Variants in SCN1A observed in about 807,000 individuals in gnomAD.
The protein encoded by SCN1A is sodium channel protein type 1 subunit alpha.
A neutral mutation model predicts 193.7 loss-of-function variants in SCN1A; 13 were observed. That is an observed-to-expected ratio of 0.07 (90% CI 0.04 to 0.11). The LOEUF is 0.11. SCN1A is among the 10% of genes least tolerant of loss of function. SCN1A has a pLI of 1.00. For synonymous variants in SCN1A, 781 were observed against 843.6 expected, an observed-to-expected ratio of 0.93 and a Z score of 1.29; for missense variants, 1,432 against 2,451.1, an observed-to-expected ratio of 0.58 and a Z score of 8.78.
At chr2:166,029,448 G>A (rs188471004) in intron 19 of SCN1A, among the ~76,000 whole-genome samples, 6 of 152,218 alleles carry the variant, frequency 3.9e-5, no homozygotes, top group Admixed American at 1.3e-4. Flanking sequence ...AGTGGAGATA[G>A]TACTCTTGGG....
Position 166,036,066 on chromosome 2 carries a change from A to T in SCN1A, c.3411T>A (p.Asp1137Glu). The change falls in exon 19 of 29, where the codon GAT becomes GAA. Residue 1137 changes from aspartate to glutamate, a missense_variant. Physicochemically the swap from Asp to Glu is conservative, Grantham distance 45. This residue lies in a region of SCN1A where 198 missense variants were observed against 225.8 expected (regional missense o/e 0.88). Coordinates refer to ENST00000674923, the MANE Select transcript of SCN1A (RefSeq NM_001165963.4). ...LNTEDFSSES[D>E]LEESKEKLNE... The stretch of plus-strand genomic sequence containing the variant: ...ATCTTACCTCTTTGCTTTCTTCCAG[A>T]TCCGATTCACTACTAAAGTCTTCCG... 6.2e-7 allele frequency: 1 copy of T among 1,613,786 alleles called. No homozygotes were observed. The highest frequency in any genetic ancestry group is 1.1e-5 in the South Asian group (1 of 91,062).
chr2:166,114,957 C>A (rs1431233492), intron 2 of SCN1A, among the ~76,000 whole-genome samples: 1 of 152,104 alleles, frequency 6.6e-6, no homozygotes, highest in East Asian at 1.9e-4. Context: ...ATATTATTTT[C>A]TTCTTTATGC....
At chr2:166,064,428 A>G (rs1683631715) in intron 4 of SCN1A, among the ~76,000 whole-genome samples, 1 of 152,206 alleles carries the variant, frequency 6.6e-6, no homozygotes, top group Admixed American at 6.5e-5. Flanking sequence ...TGGCCAAATT[A>G]TCAATGATTA....
intron 2 of SCN1A, among the ~76,000 whole-genome samples, chr2:166,085,636 G>A (rs1396650265): frequency 6.6e-6 from 1 of 152,256 alleles, no homozygotes; most frequent in Admixed American, 6.5e-5. Flanking sequence ...GGAACGGGGA[G>A]AGGAGAGTGT....
chr2:166,108,601 C>T (rs572828611), intron 2 of SCN1A, among the ~76,000 whole-genome samples: 2 of 151,932 alleles, frequency 1.3e-5, no homozygotes, highest in South Asian at 4.2e-4. Context: ...TGTGGTATAT[C>T]CATATAAGGG....
chr2:165,993,983 T>C (rs917747395), intron 28 of SCN1A, 163 bp downstream of exon 28: 22 of 636,378 alleles, frequency 3.5e-5, no homozygotes, highest in Non-Finnish European at 5.5e-5. Flanking sequence ...TACTGACATA[T>C]AGTAGGAGAC....
At chr2:166,120,596 C>CTTTTTTTTTTTTTTTTTTTT (rs57044851) in intron 2 of SCN1A, among the ~76,000 whole-genome samples, 4 of 72,456 alleles carry the variant, frequency 5.5e-5, no homozygotes, top group East Asian at 4.9e-4. Flanking sequence ...TTTCTTTTCT[C>CTTTTTTTTTTTTTTTTTTTT]TTTTTTTTTT....
intron 3 of SCN1A, among the ~76,000 whole-genome samples, 183 bp from the exon 4 acceptor site, chr2:166,073,853 CTTAT>C (rs1161805475): frequency 1.3e-5 from 2 of 152,132 alleles, no homozygotes; most frequent in African/African-American, 2.4e-5. Flanking sequence ...TTAAGCATCA[CTTAT>C]TTATTAATTC....
chr2:166,065,219 T>C (rs1011344484), intron 4 of SCN1A, among the ~76,000 whole-genome samples: 3 of 152,136 alleles, frequency 2.0e-5, no homozygotes, highest in Non-Finnish European at 4.4e-5. Context: ...TGGCTCTAGC[T>C]CCTACCCAGA....
intron 2 of SCN1A, among the ~76,000 whole-genome samples, chr2:166,112,189 C>T (rs79987444): frequency 0.073 from 11,042 of 152,118 alleles, 504 homozygotes; most frequent in Middle Eastern, 0.21. Context: ...GATCAATCAA[C>T]GTGGCAAACT....
In SCN1A at chr2:166,073,339, C is replaced by G; in HGVS notation, c.264+19G>C. ...AGTAGGCAATTAGCAGCAAAATATG[C>G]CTGATAAAAAACACTCACTTTCTTA... On this transcript the variant is annotated intron_variant, in intron 4 of 28. Transcript: ENST00000674923. The G allele has an allele frequency of 6.2e-7, 1 of 1,612,788 alleles. No individual in the cohort carries two copies. Among genetic ancestry groups the G allele is most frequent in the Non-Finnish European group, 8.5e-7 (1 of 1,179,972 alleles).
intron 2 of SCN1A, among the ~76,000 whole-genome samples, chr2:166,085,906 G>A (rs775702789): frequency 1.4e-4 from 21 of 152,172 alleles, no homozygotes; most frequent in Admixed American, 5.2e-4. Flanking sequence ...AGAGAAAGCT[G>A]AAAGAACTTA....
chr2:166,058,592 C>T lies in SCN1A; in HGVS notation c.361G>A (p.Ala121Thr). Reference sequence around the variant, plus strand: ...TATGAATGTACCAAAATCTTAATAGCTATTTTCCTAAGAGGATTGAAGGGA... The same window carrying T: ...TATGAATGTACCAAAATCTTAATAGTTATTTTCCTAAGAGGATTGAAGGGA... ...LTPFNPLRKI[A>T]IKILVHSLFS... is the part of the protein sequence containing the mutation. The change falls in exon 5 of 29, where the codon GCT becomes ACT. Residue 121 changes from alanine (A) to threonine (T), a missense_variant. Physicochemically the swap from Ala to Thr is moderately conservative, Grantham distance 58 (BLOSUM62 0). Around this residue, in one of 18 missense-constraint regions of SCN1A, gnomAD observed 123 missense variants for 282.8 expected, o/e 0.43. Coordinates refer to ENST00000674923, the MANE Select transcript of SCN1A (RefSeq NM_001165963.4). The T allele has an allele frequency of 6.2e-7, 1 of 1,603,888 alleles. No individual in the cohort carries two copies. The highest frequency in any genetic ancestry group is 8.5e-7 in the Non-Finnish European group (1 of 1,171,166).
intron 23 of SCN1A, among the ~76,000 whole-genome samples, chr2:166,006,225 G>T (rs947889231): frequency 6.9e-4 from 105 of 151,322 alleles, no homozygotes; most frequent in African/African-American, 2.4e-3. Flanking sequence ...GTATAAAGAA[G>T]AATAATAGAA....
chr2:166,002,155 C>A (rs1305842275), intron 24 of SCN1A, among the ~76,000 whole-genome samples: 1 of 151,370 alleles, frequency 6.6e-6, no homozygotes, highest in Non-Finnish European at 1.5e-5. Context: ...GCCTTCTAAT[C>A]ACAATAAAAA....
At chr2:166,129,320 C>G (rs1691542082), upstream of SCN1A, among the ~76,000 whole-genome samples, 1 of 152,088 alleles carries the variant, frequency 6.6e-6, no homozygotes, top group African/African-American at 2.4e-5. Context: ...TTTTCCTGTT[C>G]TAGAATCACA....
chr2:166,035,785 C>T (rs936383459), intron 19 of SCN1A, among the ~76,000 whole-genome samples: 7 of 152,116 alleles, frequency 4.6e-5, no homozygotes, highest in African/African-American at 1.7e-4. Flanking sequence ...TCCTTGTAAT[C>T]ACGTGGTTGA....
At chr2:166,069,638 AT>A (rs1239506002) in intron 4 of SCN1A, among the ~76,000 whole-genome samples, 3 of 152,216 alleles carry the variant, frequency 2.0e-5, no homozygotes, top group African/African-American at 7.2e-5. Context: ...AAAATATAAC[AT>A]AAGGAATGGA....
At chr2:166,018,751 G>C (rs1212666040) in intron 19 of SCN1A, among the ~76,000 whole-genome samples, 1 of 152,006 alleles carries the variant, frequency 6.6e-6, no homozygotes, top group Non-Finnish European at 1.5e-5. Flanking sequence ...AACAATATAA[G>C]AGTTGGCATG....
Sources: allele counts gnomAD v4.1 joint callset (sites outside exome capture counted in the v4.1 genomes callset), GRCh38; gene constraint gnomAD v4.1.1; regional missense constraint gnomAD v4.1.1; transcripts MANE v1.5; gene names NCBI Gene and HGNC (gene_info 2026-07-23, HGNC 2026-07-21).